The following KCNQ5 variants were observed in gnomAD, a reference collection of about 807,000 sequenced individuals.
The protein encoded by KCNQ5 is potassium voltage-gated channel subfamily Q member 5.
In KCNQ5, 30 loss-of-function variants were observed where a neutral mutation model predicts 98.2. The observed-to-expected ratio is 0.31, with a 90% CI of 0.23 to 0.41. The LOEUF (loss-of-function observed/expected upper bound fraction) is 0.41. Ranked by LOEUF, KCNQ5 falls within the 10% of genes least tolerant of loss-of-function variation. The probability of loss-of-function intolerance (pLI) is 1.00; values close to 1 mark genes in which losing one functional copy is unlikely to be tolerated. For missense variants in KCNQ5, 835 were observed against 1,182.5 expected (o/e 0.71, Z 4.31); for synonymous variants, 458 against 449.4 (o/e 1.02, Z -0.24).
At chr6:72,905,879 G>A (rs1779678316) in intron 1 of KCNQ5, among the ~76,000 whole-genome samples, 2 of 152,160 alleles carry the variant, frequency 1.3e-5, no homozygotes, top group Admixed American at 6.5e-5. Flanking sequence ...TTGGCCTCCT[G>A]CCAGGAGGTG....
intron 3 of KCNQ5, among the ~76,000 whole-genome samples, chr6:73,048,840 A>G (rs1031303109): frequency 1.3e-5 from 2 of 152,222 alleles, no homozygotes; most frequent in Non-Finnish European, 2.9e-5. Flanking sequence ...TTACAGCCCC[A>G]GTGGTATCAC....
At chr6:72,896,730 G>A (rs1465751894) in intron 1 of KCNQ5, among the ~76,000 whole-genome samples, 1 of 152,140 alleles carries the variant, frequency 6.6e-6, no homozygotes, top group African/African-American at 2.4e-5. Flanking sequence ...AGAATTCTCT[G>A]AAGTCTTCCA....
At chr6:73,080,201 T>C (rs1344717551) in intron 5 of KCNQ5, among the ~76,000 whole-genome samples, 4 of 152,212 alleles carry the variant, frequency 2.6e-5, no homozygotes, top group African/African-American at 9.7e-5. Context: ...TATCTGTGAC[T>C]TTCAGGGGAA....
At chr6:72,967,929 T>C (rs942694944) in intron 1 of KCNQ5, among the ~76,000 whole-genome samples, 2 of 152,174 alleles carry the variant, frequency 1.3e-5, no homozygotes, top group Admixed American at 6.5e-5. Flanking sequence ...TTTTGGATTT[T>C]AGGATACCAT....
chr6:73,137,791 T>C (rs1776533143), intron 10 of KCNQ5, among the ~76,000 whole-genome samples: 1 of 152,162 alleles, frequency 6.6e-6, no homozygotes. Context: ...ATGCAGGCAA[T>C]TGAATTTCAC....
intron 1 of KCNQ5, among the ~76,000 whole-genome samples, chr6:72,909,684 C>A (rs984538084): frequency 3.3e-5 from 5 of 152,104 alleles, no homozygotes; most frequent in African/African-American, 1.2e-4. Context: ...AAAGATAAGA[C>A]CCTCACTCAT....
Position 73,162,872 on chromosome 6 carries a change from A to C in KCNQ5, c.1469-6874A>C, listed in dbSNP as rs934685149. ...TTCTCTGGTTTCCTCCCATATCCCA[A>C]AGCTGTGCACTGAAGTTCATTGACG... On this transcript the variant is annotated intron_variant, in intron 10 of 13. Transcript: ENST00000370398. 3.3e-5 allele frequency among the ~76,000 whole-genome samples: 5 copies of C among 152,010 alleles called. No homozygotes were observed. The East Asian group carries it at 9.6e-4, about 29-fold the overall frequency.
chr6:72,978,140 T>C (rs1768245622), intron 1 of KCNQ5, among the ~76,000 whole-genome samples: 1 of 152,214 alleles, frequency 6.6e-6, no homozygotes, highest in African/African-American at 2.4e-5. Context: ...GAATATCAAA[T>C]ATCAAATAAA....
At chr6:72,633,564 A>G (rs1245240444) in intron 1 of KCNQ5, among the ~76,000 whole-genome samples, 2 of 152,254 alleles carry the variant, frequency 1.3e-5, no homozygotes, top group Non-Finnish European at 2.9e-5. Flanking sequence ...ATATGGAACC[A>G]AAAAAGAACC....
intron 1 of KCNQ5, among the ~76,000 whole-genome samples, chr6:72,686,791 G>A (rs1377226211): frequency 7.0e-6 from 1 of 142,924 alleles, no homozygotes; most frequent in Non-Finnish European, 1.5e-5. Context: ...TATGAGATAA[G>A]AATCCAATAT....
intron 1 of KCNQ5, among the ~76,000 whole-genome samples, chr6:72,696,712 A>AT (rs1768525140): frequency 6.6e-6 from 1 of 152,108 alleles, no homozygotes; most frequent in African/African-American, 2.4e-5. Flanking sequence ...TAAGCTGGGG[A>AT]TTTTTTTAAA....
chr6:72,627,935 G>A (rs2098918813), intron 1 of KCNQ5, among the ~76,000 whole-genome samples: 1 of 152,158 alleles, frequency 6.6e-6, no homozygotes, highest in Non-Finnish European at 1.5e-5. Context: ...GCCAGGATGA[G>A]TTAGGTGCCC....
At chr6:72,860,128 A>C (rs1777703281) in intron 1 of KCNQ5, among the ~76,000 whole-genome samples, 1 of 152,210 alleles carries the variant, frequency 6.6e-6, no homozygotes, top group African/African-American at 2.4e-5. Flanking sequence ...AATGAAACAA[A>C]TACAAATGGT....
At chr6:72,676,856 G>A (rs150436269) in intron 1 of KCNQ5, among the ~76,000 whole-genome samples, 1 of 149,278 alleles carries the variant, frequency 6.7e-6, no homozygotes, top group Non-Finnish European at 1.5e-5. Context: ...TGTTAAGGGT[G>A]CTTGCTGGCA....
At chr6:73,098,038 GAA>G (rs1489938284) in intron 5 of KCNQ5, among the ~76,000 whole-genome samples, 1 of 151,956 alleles carries the variant, frequency 6.6e-6, no homozygotes, top group African/African-American at 2.4e-5. Context: ...CACAGAGAAT[GAA>G]TTCAGAATTT....
chr6:72,794,146 G>A (rs376061704), intron 1 of KCNQ5, among the ~76,000 whole-genome samples: 2 of 152,196 alleles, frequency 1.3e-5, no homozygotes, highest in Non-Finnish European at 2.9e-5. Context: ...GTCAGTGCAC[G>A]TTGGTGCATT....
rs147687704 is a variant in KCNQ5, at chr6:72,636,986, C to T, written c.398+14399C>T. On this transcript the variant is annotated intron_variant, in intron 1 of 13. Coordinates refer to ENST00000370398, the MANE Select transcript of KCNQ5 (RefSeq NM_019842.4). ...AACTTTGGAGCTCGGCGTTCAGCTGCCTGTGCAAGTGGGCGTTCTGCTCAG... is the reference window on the plus strand; with the variant it reads ...AACTTTGGAGCTCGGCGTTCAGCTGTCTGTGCAAGTGGGCGTTCTGCTCAG... Among the ~76,000 whole-genome samples the T allele has an allele frequency of 3.9e-4, 59 of 152,310 alleles. 1 individual carries two copies. The highest frequency in any genetic ancestry group is 1.3e-3 in the African/African-American group (56 of 41,566).
chr6:72,945,187 A>G (rs992137681), intron 1 of KCNQ5, among the ~76,000 whole-genome samples: 4 of 152,188 alleles, frequency 2.6e-5, no homozygotes, highest in Middle Eastern at 3.2e-3. Flanking sequence ...AAGAGAAATG[A>G]GTTTATAAAA....
At chr6:73,052,372 T>C (rs551887299) in intron 3 of KCNQ5, among the ~76,000 whole-genome samples, 9 of 152,188 alleles carry the variant, frequency 5.9e-5, no homozygotes, top group Non-Finnish European at 1.2e-4. Flanking sequence ...AACATTCAAA[T>C]TGAGAAAATG....
Sources: allele counts gnomAD v4.1 joint callset (sites outside exome capture counted in the v4.1 genomes callset), GRCh38; gene constraint gnomAD v4.1.1; transcripts MANE v1.5; gene names NCBI Gene and HGNC (gene_info 2026-07-23, HGNC 2026-07-21).